Variants in FAM13A observed in about 807,000 individuals in gnomAD.
The protein encoded by FAM13A is protein FAM13A.
FAM13A carries 76 observed loss-of-function variants against 129.6 expected under a neutral mutation model. The observed-to-expected ratio is 0.59, with a 90% CI of 0.49 to 0.71. The LOEUF is 0.71. Ranked by LOEUF, FAM13A falls within the 30% of genes least tolerant of loss-of-function variation. FAM13A has a pLI of 0.00. For missense variants in FAM13A, 1,108 were observed against 1,249.3 expected (o/e 0.89, Z 1.70); for synonymous variants, 443 against 449.9 (o/e 0.98, Z 0.20).
chr4:89,053,474 A>C (rs1244297127), intron 1 of FAM13A, among the ~76,000 whole-genome samples: 2 of 152,142 alleles, frequency 1.3e-5, no homozygotes, highest in Admixed American at 1.3e-4. Context: ...AATCCCATGA[A>C]TGGCATATTT....
At chr4:88,834,712 A>G (rs1734515437) in intron 7 of FAM13A, among the ~76,000 whole-genome samples, 1 of 152,246 alleles carries the variant, frequency 6.6e-6, no homozygotes, top group African/African-American at 2.4e-5. Flanking sequence ...AATTTTAACA[A>G]CTGTAAATAC....
chr4:88,751,068 T>C (rs7656423), intron 14 of FAM13A, among the ~76,000 whole-genome samples: 67,654 of 152,004 alleles, frequency 0.45, 17,968 homozygotes, highest in African/African-American at 0.74. Flanking sequence ...ATGGTGAAAC[T>C]CTATCTCTAC....
chr4:88,765,275 C>A (rs1399688601), intron 13 of FAM13A, among the ~76,000 whole-genome samples: 1 of 152,078 alleles, frequency 6.6e-6, no homozygotes. Flanking sequence ...TGAGAGTTTA[C>A]AAGGAGAATT....
intron 14 of FAM13A, among the ~76,000 whole-genome samples, chr4:88,751,205 G>T (rs1742534798): frequency 6.6e-6 from 1 of 152,160 alleles, no homozygotes; most frequent in African/African-American, 2.4e-5. Flanking sequence ...TTGCGCCACT[G>T]CACTCCAGCC....
chr4:88,789,729 C>A (rs547829198), intron 9 of FAM13A, among the ~76,000 whole-genome samples: 2 of 152,198 alleles, frequency 1.3e-5, no homozygotes, highest in Non-Finnish European at 2.9e-5. Flanking sequence ...GTAATAAGTT[C>A]TCTAAAACAT....
chr4:88,902,268 T>C lies in FAM13A; in HGVS notation c.843+4111A>G, dbSNP rs182004466. Among the ~76,000 whole-genome samples the C allele has an allele frequency of 6.2e-3, 948 of 152,258 alleles. 4 individuals carry two copies. The highest frequency in any genetic ancestry group is 0.01 in the Non-Finnish European group (703 of 68,008). ...CCTAACTCATTGTATGAGGCCAGCA[T>C]CATCCTGATACCAAAACCTGGCAGA... On this transcript the variant is annotated intron_variant, in intron 6 of 23. Coordinates refer to ENST00000264344, the MANE Select transcript of FAM13A (RefSeq NM_014883.4).
chr4:89,051,776 AG>A (rs1333134933), intron 1 of FAM13A, among the ~76,000 whole-genome samples: 1 of 152,224 alleles, frequency 6.6e-6, no homozygotes, highest in African/African-American at 2.4e-5. Flanking sequence ...AAAAGAAGAA[AG>A]GAATGGCAGG....
chr4:89,015,417 G>C (rs1382266845), intron 3 of FAM13A, among the ~76,000 whole-genome samples: 1 of 152,108 alleles, frequency 6.6e-6, no homozygotes, highest in African/African-American at 2.4e-5. Context: ...GCTGACATGT[G>C]ATGTCTCCCC....
intron 4 of FAM13A, among the ~76,000 whole-genome samples, chr4:88,940,716 T>C (rs919908835): frequency 1.3e-5 from 2 of 152,194 alleles, no homozygotes; most frequent in Non-Finnish European, 2.9e-5. Flanking sequence ...TTTCAAGTGA[T>C]GAAGGGTGTG....
At chr4:88,999,923 G>A (rs2904261) in intron 3 of FAM13A, among the ~76,000 whole-genome samples, 120,903 of 152,136 alleles carry the variant, frequency 0.79, 48,274 homozygotes, top group Middle Eastern at 0.88. Flanking sequence ...TTGATTTTCT[G>A]TTAATACAAG....
intron 8 of FAM13A, among the ~76,000 whole-genome samples, chr4:88,801,539 GA>G (rs1317625662): frequency 6.6e-6 from 1 of 152,142 alleles, no homozygotes; most frequent in South Asian, 2.1e-4. Context: ...ATGAGAAAAC[GA>G]AAAGAGAGGA....
chr4:88,922,698 A>C (rs1200188434), intron 5 of FAM13A, among the ~76,000 whole-genome samples: 2 of 152,184 alleles, frequency 1.3e-5, no homozygotes, highest in African/African-American at 4.8e-5. Context: ...AAATAACTAA[A>C]ATCAGAGTAG....
chr4:88,981,043 G>A (rs1255040119), intron 4 of FAM13A, among the ~76,000 whole-genome samples: 1 of 152,038 alleles, frequency 6.6e-6, no homozygotes, highest in Non-Finnish European at 1.5e-5. Context: ...ATATGAAACT[G>A]ATTTATCTTT....
Position 88,851,181 on chromosome 4 carries a change from G to C in FAM13A, c.846C>G (p.Ile282Met). Reference protein sequence around the residue: ...DMPKPPPKTKIPKSRSEGSIQ... With the variant: ...DMPKPPPKTKMPKSRSEGSIQ... ...TAGATCCCTCACTCCTGGATTTTGGGATCTAGAAGAAAAAAAAAAGAGGGG... is the reference window on the plus strand; with the variant it reads ...TAGATCCCTCACTCCTGGATTTTGGCATCTAGAAGAAAAAAAAAAGAGGGG... The change falls in exon 7 of 24, where the codon ATC (isoleucine) becomes ATG (methionine). Residue 282 changes from isoleucine (I) to methionine (M), a missense_variant and splice_region_variant. Transcript: ENST00000264344. 6.4e-7 allele frequency: 1 copy of C among 1,557,456 alleles called. No homozygotes were observed. Among genetic ancestry groups the C allele is most frequent in the Non-Finnish European group, 8.7e-7 (1 of 1,148,002 alleles).
At chr4:88,862,001 C>T (rs189366780) in intron 6 of FAM13A, among the ~76,000 whole-genome samples, 2 of 152,294 alleles carry the variant, frequency 1.3e-5, no homozygotes, top group Admixed American at 6.5e-5. Context: ...CTATTTCACA[C>T]TGTCTCTCAT....
rs1393166051 is a variant in FAM13A at position 88,737,536 on chromosome 4, C to T, written c.2582G>A (p.Arg861Gln). ...AATTGGCTGCAGCAAAGGGCTTCTC[C>T]GCTTGCTGGAGGGGGAACCCTGTGA... ...IPIIGSPSSK[R>Q]RSPLLQPIIE... The change falls in exon 21 of 24, where the codon CGG becomes CAG. Residue 861 changes from arginine (R) to glutamine (Q), a missense_variant. By Grantham distance (43) the Arg-to-Gln change is conservative. Transcript: ENST00000264344. The T allele has an allele frequency of 8.1e-6, 13 of 1,613,888 alleles. No individual in the cohort carries two copies. Among genetic ancestry groups the T allele is most frequent in the East Asian group, 2.2e-5 (1 of 44,884 alleles).
intron 3 of FAM13A, among the ~76,000 whole-genome samples, chr4:89,010,487 C>G (rs1374557100): frequency 1.3e-5 from 2 of 152,184 alleles, no homozygotes; most frequent in South Asian, 4.1e-4. Context: ...CTCTTCCTTT[C>G]AGGACAAAAG....
At chr4:88,836,486 A>G (rs899248994) in intron 7 of FAM13A, among the ~76,000 whole-genome samples, 1 of 152,132 alleles carries the variant, frequency 6.6e-6, no homozygotes, top group Non-Finnish European at 1.5e-5. Context: ...TACTTTTTTC[A>G]CTCTGATTCA....
intron 6 of FAM13A, among the ~76,000 whole-genome samples, chr4:88,904,242 T>C (rs1747778241): frequency 6.6e-6 from 1 of 152,194 alleles, no homozygotes; most frequent in Non-Finnish European, 1.5e-5. Flanking sequence ...AGAAATACCA[T>C]ATGACCCAGC....
Sources: gnomAD v4.1 joint callset for allele counts (sites outside exome capture counted in the v4.1 genomes callset) on GRCh38, gnomAD v4.1.1 for gene constraint, MANE v1.5 for transcripts, NCBI Gene and HGNC (gene_info 2026-07-23, HGNC 2026-07-21) for gene names.